NBN: variants seen among roughly 807,000 people sequenced by gnomAD.
NBN encodes Nijmegen breakage syndrome 1 (nibrin).
NBN carries 88 observed loss-of-function variants against 90.8 expected under a neutral mutation model. That is an observed-to-expected ratio of 0.97 (90% CI 0.82 to 1.16). The LOEUF is 1.16. Ranked by LOEUF, NBN falls within the 50% of genes most tolerant of loss-of-function variation. The pLI is 0.00. For synonymous variants in NBN, 328 were observed against 295.1 expected, an observed-to-expected ratio of 1.11 and a Z score of -1.14; for missense variants, 894 against 869.6, an observed-to-expected ratio of 1.03 and a Z score of -0.35.
chr8:89,964,842 G>T (rs1811173233), intron 7 of NBN, among the ~76,000 whole-genome samples: 1 of 152,182 alleles, frequency 6.6e-6, no homozygotes, highest in African/African-American at 2.4e-5. Context: ...GGCCAGGCAT[G>T]GTGGTTCATG....
chr8:89,960,814 G>T (rs1446247926), intron 8 of NBN, among the ~76,000 whole-genome samples: 1 of 152,024 alleles, frequency 6.6e-6, no homozygotes. Context: ...TATAACAAAT[G>T]TTCAATAAGT....
At chr8:89,978,788 C>T (rs1811898966) in intron 4 of NBN, among the ~76,000 whole-genome samples, 1 of 151,840 alleles carries the variant, frequency 6.6e-6, no homozygotes, top group African/African-American at 2.4e-5. Flanking sequence ...TGCAATAAAG[C>T]CTTTTTGAGA....
chr8:89,949,197 C>T (rs775853722), intron 11 of NBN, among the ~76,000 whole-genome samples: 6 of 152,102 alleles, frequency 3.9e-5, no homozygotes, highest in Non-Finnish European at 8.8e-5. Context: ...TGTTTAAGTC[C>T]GAGTTGTCAA....
At position 89,982,758 on chromosome 8, in the gene NBN, A is replaced by T. The variant is rs770618624; in HGVS notation, c.135T>A (p.His45Gln). 3 of 1,613,926 alleles carry T rather than the reference A, an allele frequency of 1.9e-6. No homozygotes were observed. In the Admixed American group the frequency reaches 5.0e-5, roughly 27 times the overall value. Reference sequence around the variant, plus strand: ...CAGAAAAGTTAGCAGTTAACACAGCATGATTTCGGCTGATCGACTGATCAT... The same window carrying T: ...CAGAAAAGTTAGCAGTTAACACAGCTTGATTTCGGCTGATCGACTGATCAT... Reference protein sequence around the residue: ...IENDQSISRNHAVLTANFSVT... With the variant: ...IENDQSISRNQAVLTANFSVT... The change falls in exon 2 of 16, where the codon CAT (histidine) becomes CAA (glutamine). Residue 45 changes from histidine to glutamine, a missense_variant. Physicochemically the swap from His to Gln is conservative, Grantham distance 24. Transcript: ENST00000265433.
chr8:89,978,107 T>C (rs1461709454), intron 5 of NBN, 113 bp downstream of exon 5: 5 of 972,494 alleles, frequency 5.1e-6, no homozygotes, highest in Non-Finnish European at 8.0e-6. Flanking sequence ...TACCGAACTA[T>C]AACACAGCAA....
chr8:89,954,206 T>C (rs1361461645), intron 10 of NBN, among the ~76,000 whole-genome samples: 1 of 152,152 alleles, frequency 6.6e-6, no homozygotes, highest in Non-Finnish European at 1.5e-5. Context: ...TACTGTATCA[T>C]TCATTCAATA....
intron 14 of NBN, among the ~76,000 whole-genome samples, chr8:89,939,120 C>T (rs1367825471): frequency 6.6e-6 from 1 of 151,968 alleles, no homozygotes; most frequent in Admixed American, 6.6e-5. Context: ...TGAAAATATC[C>T]TAAATTCAAG....
intron 6 of NBN, among the ~76,000 whole-genome samples, chr8:89,970,918 A>T (rs987979043): frequency 2.0e-5 from 3 of 152,192 alleles, no homozygotes; most frequent in Non-Finnish European, 4.4e-5. Flanking sequence ...TTACTAACTA[A>T]AGAAGTTAAA....
chr8:89,946,097 C>T (rs1164287755), intron 13 of NBN, 43 bp downstream of exon 13: 4 of 1,427,798 alleles, frequency 2.8e-6, no homozygotes, highest in Admixed American at 1.7e-5. Context: ...TCTCTAAAAA[C>T]ATTTCAAACA....
At position 89,980,821 on chromosome 8, in the gene NBN, A is replaced by G; in HGVS notation, c.393T>C (p.Ala131=). Residue 131 remains alanine, a synonymous_variant, in exon 4 of 16, where the codon GCT becomes GCC. Transcript: ENST00000265433. ...DVSGKTALNQ[A]ILQLGGFTVN... The stretch of plus-strand genomic sequence containing the variant: ...CAGTAAATCCTCCAAGTTGCAATAT[A>G]GCTTGATTTAAAGCAGTTTTCCCAG... The G allele has an allele frequency of 6.2e-7, 1 of 1,612,820 alleles. No homozygotes were observed. Among genetic ancestry groups the G allele is most frequent in the South Asian group, 1.1e-5 (1 of 91,068 alleles).
chr8:89,973,770 T>C (rs770611421), intron 5 of NBN, among the ~76,000 whole-genome samples: 2 of 152,118 alleles, frequency 1.3e-5, no homozygotes, highest in Non-Finnish European at 2.9e-5. Flanking sequence ...AACTGGAAAA[T>C]AGGAAAGTAA....
At chr8:89,938,707 A>G (rs1463218224) in intron 14 of NBN, among the ~76,000 whole-genome samples, 1 of 152,178 alleles carries the variant, frequency 6.6e-6, no homozygotes, top group Non-Finnish European at 1.5e-5. Context: ...AGCCTACAAG[A>G]GTGACTTGCA....
chr8:89,973,444 T>C (rs1460708245), intron 5 of NBN, among the ~76,000 whole-genome samples: 3 of 152,232 alleles, frequency 2.0e-5, no homozygotes, highest in African/African-American at 7.2e-5. Context: ...AATACAAAAC[T>C]GTATTATCTA....
chr8:89,981,673 G>A (rs1374197410), intron 2 of NBN, 150 bp from the exon 3 acceptor site: 30 of 774,574 alleles, frequency 3.9e-5, no homozygotes, highest in Non-Finnish European at 5.9e-5. Context: ...TTGAGAGGAA[G>A]ATCACTCAAC....
intron 14 of NBN, among the ~76,000 whole-genome samples, chr8:89,939,439 C>A (rs201169195): frequency 5.4e-5 from 8 of 148,044 alleles, no homozygotes; most frequent in Non-Finnish European, 9.0e-5. Flanking sequence ...ATGAAATAAG[C>A]AAAAAAAAAA....
intron 6 of NBN, 74 bp downstream of exon 6, chr8:89,971,096 AACT>A: frequency 6.8e-7 from 1 of 1,464,520 alleles, no homozygotes; most frequent in Non-Finnish European, 9.4e-7. Flanking sequence ...ATACGTTAAC[AACT>A]ACTGATAAGA....
intron 15 of NBN, among the ~76,000 whole-genome samples, chr8:89,936,653 T>G (rs1429266374): frequency 2.6e-5 from 4 of 152,216 alleles, no homozygotes; most frequent in Non-Finnish European, 4.4e-5. Flanking sequence ...TTTGTTTTTA[T>G]GCATGTGCCA....
At chr8:89,979,519 G>A (rs1046827601) in intron 4 of NBN, among the ~76,000 whole-genome samples, 41 of 151,068 alleles carry the variant, frequency 2.7e-4, no homozygotes, top group African/African-American at 1.0e-3. Flanking sequence ...TGAACTGAAC[G>A]CTTTTTTTGT....
In NBN at chr8:89,934,371, A is replaced by G. The variant is rs932611006; in HGVS notation, c.*1211T>C. ...TAGAAATTGCAGATTGGCTCACCCA[A>G]TTTCTGTTCCCTAGGAAGGCTGAGA... On this transcript the variant is annotated 3_prime_UTR_variant, in exon 16 of 16. Coordinates refer to ENST00000265433, the MANE Select transcript of NBN (RefSeq NM_002485.5). 11 of 232,864 alleles carry G rather than the reference A, an allele frequency of 4.7e-5. No homozygotes were observed. The highest frequency in any genetic ancestry group is 1.8e-4 in the African/African-American group (8 of 45,334). 14.4% of individuals were successfully genotyped at this position (232,864 alleles called of 1,614,324 possible).
Sources: gnomAD v4.1 joint callset for allele counts (sites outside exome capture counted in the v4.1 genomes callset) on GRCh38, gnomAD v4.1.1 for gene constraint, MANE v1.5 for transcripts, NCBI Gene and HGNC (gene_info 2026-07-23, HGNC 2026-07-21) for gene names.